Variants in SLC14A1 observed in about 807,000 individuals in gnomAD.
SLC14A1 encodes the protein solute carrier family 14 member 1 (Kidd blood group), also known as urea transporter 1.
Under a neutral mutation model 39.6 loss-of-function variants are expected in SLC14A1, and 36 were observed. The observed-to-expected ratio is 0.91, with a 90% CI of 0.70 to 1.20. SLC14A1 has a LOEUF of 1.20. Ranked by LOEUF, SLC14A1 falls within the 50% of genes most tolerant of loss-of-function variation. SLC14A1 has a pLI of 0.00. For missense variants in SLC14A1, 469 were observed against 478.7 expected (o/e 0.98, Z 0.19); for synonymous variants, 164 against 173.6 (o/e 0.94, Z 0.43).
Position 45,734,400 on chromosome 18 carries a change from T to G in SLC14A1, c.468T>G (p.Thr156=). ...TCCCTGTATGTGCTATGTCCATGACTTGGTAAGTTACAATTGGTTTTCAAA... is the reference window on the plus strand; with the variant it reads ...TCCCTGTATGTGCTATGTCCATGACGTGGTAAGTTACAATTGGTTTTCAAA... ...LLLPVCAMSM[T]CPIFSSALNS... is the part of the protein sequence containing the mutation. The change falls in exon 5 of 10, where the codon ACT becomes ACG. Residue 156 remains threonine, a splice_region_variant and synonymous_variant. Coordinates refer to ENST00000321925, the MANE Select transcript of SLC14A1 (RefSeq NM_015865.7). 5.6e-6 allele frequency: 9 copies of G among 1,612,296 alleles called. No individual in the cohort carries two copies. The highest frequency in any genetic ancestry group is 6.8e-6 in the Non-Finnish European group (8 of 1,179,568).
intron 4 of SLC14A1, chr18:45,731,527 C>G: frequency 2.7e-6 from 1 of 372,428 alleles, no homozygotes; most frequent in South Asian, 2.4e-5. Context: ...CGTCAGCATT[C>G]TATTTGGGAA....
At chr18:45,739,930 A>T in intron 8 of SLC14A1, 2 of 519,264 alleles carry the variant, frequency 3.9e-6, no homozygotes, top group East Asian at 3.6e-5. Flanking sequence ...GGATAGAAAA[A>T]GAAAAATCCC....
intron 5 of SLC14A1, among the ~76,000 whole-genome samples, chr18:45,734,678 T>G (rs2047133639): frequency 6.6e-6 from 1 of 152,158 alleles, no homozygotes; most frequent in African/African-American, 2.4e-5. Context: ...AGTTAGGGGC[T>G]GCAGTGAGCT....
rs149137286 is a variant in SLC14A1 at position 45,730,876 on chromosome 18, G to A, written c.152-139G>A. The A allele has an allele frequency of 7.5e-5, 59 of 786,516 alleles. No homozygotes were observed. In the East Asian group the frequency reaches 1.2e-3, roughly 16 times the overall value. 48.7% of individuals were successfully genotyped at this position (786,516 alleles called of 1,614,324 possible). On this transcript the variant is annotated intron_variant, in intron 3 of 9. Transcript: ENST00000321925. ...TCTGGGTGCCACTAATGCAACAATGGGTTGAGAGAGAAATATTAAAGAAAT... is the reference window on the plus strand; with the variant it reads ...TCTGGGTGCCACTAATGCAACAATGAGTTGAGAGAGAAATATTAAAGAAAT...
Position 45,749,871 on chromosome 18 carries a change from C to T in SLC14A1, c.1090C>T (p.Leu364Phe), listed in dbSNP as rs929026513. 7 of 1,614,126 alleles carry T rather than the reference C, an allele frequency of 4.3e-6. No homozygotes were observed. In the Middle Eastern group the frequency reaches 1.2e-3, roughly 266 times the overall value. Reference protein sequence around the residue: ...TKNSNIYKMPLSKVTYPEENR... With the variant: ...TKNSNIYKMPFSKVTYPEENR... The stretch of plus-strand genomic sequence containing the variant: ...AAATTCCAACATCTACAAGATGCCC[C>T]TCAGTAAAGTTACTTATCCTGAAGA... Residue 364 changes from leucine to phenylalanine, a missense_variant, in exon 10 of 10, where the codon CTC becomes TTC. Coordinates refer to ENST00000321925, the MANE Select transcript of SLC14A1 (RefSeq NM_015865.7).
intron 4 of SLC14A1, 49 bp downstream of exon 4, chr18:45,731,253 G>C (rs770021358): frequency 3.3e-5 from 51 of 1,553,864 alleles, no homozygotes; most frequent in Non-Finnish European, 4.4e-5. Flanking sequence ...AGACACAGGG[G>C]CTGACCAGTT....
At chr18:45,725,911 G>A (rs2046852189) in intron 2 of SLC14A1, among the ~76,000 whole-genome samples, 1 of 152,208 alleles carries the variant, frequency 6.6e-6, no homozygotes, top group African/African-American at 2.4e-5. Flanking sequence ...TCCAAGGTGT[G>A]TGATTTTGGT....
rs2047703744 is a variant in SLC14A1, at chr18:45,751,370, AAAAC to A, written c.*1423_*1426del. ...AAAAAAAAAAAAACAAACAAAAACA[AAAAC>A]AAAACAAAACAAAACAAAACAAAAC... On this transcript the variant is annotated 3_prime_UTR_variant, in exon 10 of 10. Transcript: ENST00000321925. 1.3e-6 allele frequency: 1 copy of A among 763,032 alleles called. No homozygotes were observed. The highest frequency in any genetic ancestry group is 1.5e-6 in the Non-Finnish European group (1 of 687,958). 47.3% of individuals were successfully genotyped at this position (763,032 alleles called of 1,614,324 possible).
intron 2 of SLC14A1, chr18:45,729,812 T>C (rs915148682): frequency 2.0e-5 from 3 of 152,294 alleles, no homozygotes; most frequent in South Asian, 2.1e-4. Flanking sequence ...AAAATAAAAA[T>C]GTAATTTAAA....
At chr18:45,727,924 G>A (rs767750216) in intron 2 of SLC14A1, among the ~76,000 whole-genome samples, 13 of 152,090 alleles carry the variant, frequency 8.5e-5, no homozygotes, top group Admixed American at 3.3e-4. Context: ...CTGACTTCTG[G>A]AGCAAGGAGT....
chr18:45,730,583 C>T, intron 3 of SLC14A1, 112 bp downstream of exon 3: 1 of 1,166,952 alleles, frequency 8.6e-7, no homozygotes, highest in South Asian at 1.3e-5. Context: ...TTATAGATCT[C>T]TTTACTCACC....
chr18:45,745,711 C>G (rs559890152), intron 8 of SLC14A1, among the ~76,000 whole-genome samples: 1 of 152,310 alleles, frequency 6.6e-6, no homozygotes, highest in East Asian at 1.9e-4. Flanking sequence ...TCAGTGGATG[C>G]CAACTTCATC....
intron 5 of SLC14A1, among the ~76,000 whole-genome samples, chr18:45,734,767 T>C (rs539996315): frequency 1.3e-3 from 193 of 150,886 alleles, no homozygotes; most frequent in Non-Finnish European, 2.2e-3. Context: ...AGGAGAAGGA[T>C]GGAAAGGAGG....
intron 6 of SLC14A1, among the ~76,000 whole-genome samples, chr18:45,737,272 C>A (rs1482063485): frequency 1.3e-5 from 2 of 152,142 alleles, no homozygotes; most frequent in Non-Finnish European, 2.9e-5. Context: ...AGTTTGAGAA[C>A]CACTGTATCA....
At position 45,751,951 on chromosome 18, in the gene SLC14A1, T is replaced by C. The variant is rs1263068139; in HGVS notation, c.*2000T>C. The C allele has an allele frequency of 1.0e-6, 1 of 985,232 alleles. No homozygotes were observed. Among genetic ancestry groups the C allele is most frequent in the Non-Finnish European group, 1.2e-6 (1 of 829,928 alleles). The allele number at this position is 985,232 out of a possible 1,614,324, so 61.0% of individuals were successfully genotyped here. A position where few individuals can be genotyped will look rare whatever the true frequency, so the allele number is the denominator to read the frequency against. The stretch of plus-strand genomic sequence containing the variant: ...GCAGTGCTCAGTGCACAATATACAT[T>C]TTGCTGAATGAATAAACAGAAATAG... On this transcript the variant is annotated 3_prime_UTR_variant, in exon 10 of 10. Coordinates refer to ENST00000321925, the MANE Select transcript of SLC14A1 (RefSeq NM_015865.7).
In SLC14A1 at chr18:45,740,476, G is replaced by A. The variant is rs556795353; in HGVS notation, c.946+814G>A. On this transcript the variant is annotated intron_variant, in intron 8 of 9. Coordinates refer to ENST00000321925, the MANE Select transcript of SLC14A1 (RefSeq NM_015865.7). ...AACAGTCTCATTCTGAGCCAAGATC[G>A]CGCCACTGCACTTCAGCCTGGGCAA... Among the ~76,000 whole-genome samples the A allele has an allele frequency of 1.0e-4, 15 of 148,952 alleles. 1 individual carries two copies. Among genetic ancestry groups the A allele is most frequent in the South Asian group, 2.1e-4 (1 of 4,692 alleles).
intron 7 of SLC14A1, 51 bp from the exon 8 acceptor site, chr18:45,739,477 C>G: frequency 6.2e-7 from 1 of 1,612,956 alleles, no homozygotes; most frequent in Non-Finnish European, 8.5e-7. Flanking sequence ...CAGTTTCCTT[C>G]CAGAACATCC....
At chr18:45,736,173 C>T (rs1438757026) in intron 5 of SLC14A1, among the ~76,000 whole-genome samples, 1 of 152,138 alleles carries the variant, frequency 6.6e-6, no homozygotes, top group Non-Finnish European at 1.5e-5. Context: ...GTCATAAGTA[C>T]TTCAAAAATA....
chr18:45,734,127 G>A lies in SLC14A1; in HGVS notation c.342-147G>A, dbSNP rs577598781. 123 of 988,802 alleles carry A rather than the reference G, an allele frequency of 1.2e-4. 1 individual carries two copies. The highest frequency in any genetic ancestry group is 2.9e-4 in the South Asian group (21 of 72,606). 61.3% of individuals were successfully genotyped at this position (988,802 alleles called of 1,614,324 possible). ...TTCATGTCTTTATTAGTTTTTGTAC[G>A]ATGCTTACGTAGACTTTGAAATACA... On this transcript the variant is annotated intron_variant, in intron 4 of 9. Coordinates refer to ENST00000321925, the MANE Select transcript of SLC14A1 (RefSeq NM_015865.7).
Sources: allele counts gnomAD v4.1 joint callset (sites outside exome capture counted in the v4.1 genomes callset), GRCh38; gene constraint gnomAD v4.1.1; transcripts MANE v1.5; gene names NCBI Gene and HGNC (gene_info 2026-07-23, HGNC 2026-07-21).